The following PIP5K1A variants were observed in gnomAD, a reference collection of about 807,000 sequenced individuals.
PIP5K1A encodes phosphatidylinositol 4-phosphate 5-kinase type-1 alpha.
Under a neutral mutation model 72.9 loss-of-function variants are expected in PIP5K1A, and 46 were observed. That is an observed-to-expected ratio of 0.63 (90% CI 0.50 to 0.81). The LOEUF (loss-of-function observed/expected upper bound fraction) is 0.81. PIP5K1A is among the 30% of genes least tolerant of loss of function. The pLI is 0.00. For missense variants in PIP5K1A, 458 were observed against 706.1 expected, an observed-to-expected ratio of 0.65 and a Z score of 3.98; for synonymous variants, 228 against 255.1, an observed-to-expected ratio of 0.89 and a Z score of 1.01.
intron 1 of PIP5K1A, among the ~76,000 whole-genome samples, chr1:151,205,235 G>C (rs1375198784): frequency 6.6e-6 from 1 of 152,132 alleles, no homozygotes; most frequent in Non-Finnish European, 1.5e-5. Context: ...TAGTGCAGTG[G>C]TGCGATCTTG....
At chr1:151,206,003 C>G (rs1685875330) in intron 1 of PIP5K1A, among the ~76,000 whole-genome samples, 1 of 152,044 alleles carries the variant, frequency 6.6e-6, no homozygotes, top group East Asian at 1.9e-4. Context: ...TAGAGGAAAC[C>G]CTAAGAAGCC....
At chr1:151,205,176 A>AT (rs1393237710) in intron 1 of PIP5K1A, among the ~76,000 whole-genome samples, 2 of 151,906 alleles carry the variant, frequency 1.3e-5, no homozygotes, top group African/African-American at 2.4e-5. Flanking sequence ...GTTATTTATT[A>AT]TTTTTTTGAG....
Position 151,242,184 on chromosome 1 carries a change from C to T in PIP5K1A, c.1425C>T (p.Ser475=), listed in dbSNP as rs1691834398. The change falls in exon 13 of 16, where the codon TCC becomes TCT. Residue 475 remains serine, a synonymous_variant. Transcript: ENST00000368888. ...CATCTTTCTCTCGGCGAGCAGGCTC[C>T]AGTGGCAACTCCTGCATTACTTACC... ...SGSSFSRRAG[S]SGNSCITYQP... The T allele has an allele frequency of 6.2e-7, 1 of 1,614,046 alleles. No individual in the cohort carries two copies. The highest frequency in any genetic ancestry group is 1.1e-5 in the South Asian group (1 of 91,078).
intron 11 of PIP5K1A, 23 bp from the exon 12 acceptor site, chr1:151,239,930 CTA>C (rs1691449474): frequency 6.8e-7 from 1 of 1,475,600 alleles, no homozygotes; most frequent in South Asian, 1.1e-5. Context: ...CCTCCTAACT[CTA>C]TAGCATTTCT....
intron 4 of PIP5K1A, among the ~76,000 whole-genome samples, chr1:151,229,185 A>C (rs1336755223): frequency 6.7e-6 from 1 of 148,556 alleles, no homozygotes; most frequent in South Asian, 2.1e-4. Flanking sequence ...AAAAAAAAAA[A>C]AAAAAAAACA....
At chr1:151,226,351 C>A (rs1034239522) in intron 3 of PIP5K1A, among the ~76,000 whole-genome samples, 1 of 152,004 alleles carries the variant, frequency 6.6e-6, no homozygotes, top group Non-Finnish European at 1.5e-5. Flanking sequence ...TCCCAAAGTG[C>A]TAGTATTACA....
chr1:151,230,714 G>A (rs1570934444), intron 4 of PIP5K1A, among the ~76,000 whole-genome samples: 1 of 152,248 alleles, frequency 6.6e-6, no homozygotes, highest in East Asian at 1.9e-4. Context: ...GCTAATTTTT[G>A]TGTTTTTAGT....
At chr1:151,233,053 TC>T (rs1690331765) in intron 7 of PIP5K1A, among the ~76,000 whole-genome samples, 1 of 140,436 alleles carries the variant, frequency 7.1e-6, no homozygotes, top group Non-Finnish European at 1.5e-5. Flanking sequence ...TGAGCCGAGA[TC>T]CTGCCACTGC....
upstream of PIP5K1A, among the ~76,000 whole-genome samples, chr1:151,196,740 T>C (rs906193723): frequency 6.6e-6 from 1 of 151,882 alleles, no homozygotes; most frequent in Admixed American, 6.6e-5. Context: ...TTTGTATTTT[T>C]AGTAGAGACG....
At chr1:151,213,676 T>A (rs1466308972) in intron 1 of PIP5K1A, 2 of 152,234 alleles carry the variant, frequency 1.3e-5, no homozygotes, top group Non-Finnish European at 2.9e-5. Context: ...CTTTTCATAT[T>A]TTTTCTTGTT....
intron 1 of PIP5K1A, among the ~76,000 whole-genome samples, chr1:151,207,958 G>C (rs192913729): frequency 5.2e-4 from 76 of 147,370 alleles, no homozygotes; most frequent in Non-Finnish European, 7.2e-4. Context: ...TCCTCCTCCT[G>C]AGTTCAAGTG....
intron 1 of PIP5K1A, among the ~76,000 whole-genome samples, chr1:151,223,077 G>A (rs139362157): frequency 7.5e-4 from 114 of 152,008 alleles, no homozygotes; most frequent in African/African-American, 2.7e-3. Flanking sequence ...TTAGCCAGGC[G>A]CAGTGGCTCA....
chr1:151,228,983 C>G (rs1423987033), intron 4 of PIP5K1A, among the ~76,000 whole-genome samples: 1 of 151,362 alleles, frequency 6.6e-6, no homozygotes, highest in Non-Finnish European at 1.5e-5. Context: ...ACCTGACCAA[C>G]ATGGCAAAGC....
chr1:151,213,533 T>C (rs1570799486), intron 1 of PIP5K1A: 1 of 152,200 alleles, frequency 6.6e-6, no homozygotes, highest in East Asian at 1.9e-4. Context: ...GAATCTCTTA[T>C]ATGTGCTGAT....
Position 151,248,138 on chromosome 1 carries a change from A to G in PIP5K1A, c.*273A>G, listed in dbSNP as rs1347865327. ...GGTGGTATGGATTTTCAACTGGCCAACCCTTTGCCTCCACTATTGAATTTT... is the reference window on the plus strand; with the variant it reads ...GGTGGTATGGATTTTCAACTGGCCAGCCCTTTGCCTCCACTATTGAATTTT... On this transcript the variant is annotated 3_prime_UTR_variant, in exon 16 of 16. Transcript: ENST00000368888. The G allele has an allele frequency of 7.0e-5, 33 of 473,346 alleles. No homozygotes were observed. Among genetic ancestry groups the G allele is most frequent in the Admixed American group, 3.9e-5 (1 of 25,340 alleles). 29.3% of individuals were successfully genotyped at this position (473,346 alleles called of 1,614,324 possible). A position where few individuals can be genotyped will look rare whatever the true frequency, so the allele number is the denominator to read the frequency against.
intron 1 of PIP5K1A, among the ~76,000 whole-genome samples, chr1:151,219,675 CAA>C (rs990970219): frequency 4.2e-4 from 64 of 151,602 alleles, no homozygotes; most frequent in African/African-American, 1.3e-3. Context: ...GTCTGGGCGA[CAA>C]GAGTGAAACT....
At position 151,242,427 on chromosome 1, in the gene PIP5K1A, C is replaced by T. The variant is rs1558301692; in HGVS notation, c.1511-11C>T. 1.9e-6 allele frequency: 3 copies of T among 1,611,416 alleles called. No homozygotes were observed. Among genetic ancestry groups the T allele is most frequent in the South Asian group, 1.1e-5 (1 of 91,072 alleles). On this transcript the variant is annotated splice_polypyrimidine_tract_variant and intron_variant, in intron 13 of 15. Transcript: ENST00000368888. ...ATTTACTGTACCCCATCTTCTCTAT[C>T]TTTTTTCCAGGCGTTCACCTTGGTC...
chr1:151,203,591 C>T lies in PIP5K1A; in HGVS notation c.85+4510C>T, dbSNP rs587753462. Among the ~76,000 whole-genome samples, 13 of 151,514 alleles carry T rather than the reference C, an allele frequency of 8.6e-5. No homozygotes were observed. The South Asian group carries it at 2.3e-3, about 27-fold the overall frequency. ...CTGTAATCCCAGCACTTTGGGAGGC[C>T]GAGGTGGGCGGATCACAAGCTCAAG... On this transcript the variant is annotated intron_variant, in intron 1 of 15. Coordinates refer to ENST00000368888, the MANE Select transcript of PIP5K1A (RefSeq NM_001135638.2).
chr1:151,214,530 G>A lies in PIP5K1A; in HGVS notation c.86-9715G>A, dbSNP rs587604505. On this transcript the variant is annotated intron_variant, in intron 1 of 15. Transcript: ENST00000368888. ...CTAGTAGCTGGGATTACAGGTGATC[G>A]CCACCATGTCCAGCTAATTTTTGTG... 4.6e-5 allele frequency among the ~76,000 whole-genome samples: 7 copies of A among 152,070 alleles called. No homozygotes were observed. The South Asian group carries it at 8.3e-4, about 18-fold the overall frequency.
Sources: gnomAD v4.1 joint callset for allele counts (sites outside exome capture counted in the v4.1 genomes callset) on GRCh38, gnomAD v4.1.1 for gene constraint, MANE v1.5 for transcripts, NCBI Gene and HGNC (gene_info 2026-07-23, HGNC 2026-07-21) for gene names.